The following UNC5CL variants were observed in gnomAD, a reference collection of about 807,000 sequenced individuals.
UNC5CL encodes unc-5 family C-terminal like.
Under a neutral mutation model 54.1 loss-of-function variants are expected in UNC5CL, and 42 were observed. That is an observed-to-expected ratio of 0.78 (90% confidence interval 0.61 to 1.00). The LOEUF is 1.00. UNC5CL is among the 50% of genes least tolerant of loss of function. The pLI, the probability that UNC5CL is intolerant of heterozygous loss-of-function variation, is 0.00. For missense variants in UNC5CL, 619 were observed against 675.6 expected, an observed-to-expected ratio of 0.92 and a Z score of 0.93; for synonymous variants, 285 against 285.1, an observed-to-expected ratio of 1.00 and a Z score of 0.00.
Position 41,030,669 on chromosome 6 carries a change from C to A in UNC5CL, c.1206G>T (p.Pro402=), listed in dbSNP as rs138860275. 1 of 1,614,074 alleles carries A rather than the reference C, an allele frequency of 6.2e-7. No homozygotes were observed. The highest frequency in any genetic ancestry group is 2.2e-5 in the East Asian group (1 of 44,884). The change falls in exon 7 of 9, where the codon CCG becomes CCT. Residue 402 remains proline, a synonymous_variant. Transcript: ENST00000244565. ...SWAAPPPVSQ[P]PPCNRLPPEL... Reference sequence around the variant, plus strand: ...CCCCGTCTCACCTATTGCATGGGGGCGGCTGGGAAACAGGTGGTGGCGCTG... The same window carrying A: ...CCCCGTCTCACCTATTGCATGGGGGAGGCTGGGAAACAGGTGGTGGCGCTG...
intron 3 of UNC5CL, chr6:41,033,667 AGC>A: frequency 1.7e-6 from 1 of 599,758 alleles, no homozygotes; most frequent in South Asian, 2.2e-5. Context: ...ACAGAGAGAC[AGC>A]AATGGGATTT....
At chr6:41,037,524 C>T (rs544758949) in intron 1 of UNC5CL, among the ~76,000 whole-genome samples, 21 of 152,324 alleles carry the variant, frequency 1.4e-4, no homozygotes, top group African/African-American at 5.1e-4. Context: ...CCTCAGGACC[C>T]ATGAAAACTG....
In UNC5CL at chr6:41,033,099, T is replaced by G; in HGVS notation, c.734A>C (p.Lys245Thr). Reference protein sequence around the residue: ...LEAPVGREARKWLQLAVFCSP... With the variant: ...LEAPVGREARTWLQLAVFCSP... ...GCAGAATACGGCCAGCTGCAGCCAT[T>G]TGCGGGCTTCGCGCCCCACAGGTGC... The change falls in exon 4 of 9, where the codon AAA (lysine) becomes ACA (threonine). Residue 245 changes from lysine (K) to threonine (T), a missense_variant. Coordinates refer to ENST00000244565, the MANE Select transcript of UNC5CL (RefSeq NM_173561.3). 2.5e-6 allele frequency: 4 copies of G among 1,612,910 alleles called. No individual in the cohort carries two copies. Among genetic ancestry groups the G allele is most frequent in the Non-Finnish European group, 3.4e-6 (4 of 1,179,608 alleles).
In UNC5CL at chr6:41,032,899, T is replaced by G; in HGVS notation, c.934A>C (p.Thr312Pro). Residue 312 changes from threonine to proline, a missense_variant, in exon 4 of 9, where the codon ACG (threonine) becomes CCG (proline). Coordinates refer to ENST00000244565, the MANE Select transcript of UNC5CL (RefSeq NM_173561.3). ...GARGDQCLKL[T>P]YISEGWENVD... Reference sequence around the variant, plus strand: ...CCTCCCTCACCCTCTGAGATGTACGTGAGCTTCAGGCACTGGTCGCCCCTA... The same window carrying G: ...CCTCCCTCACCCTCTGAGATGTACGGGAGCTTCAGGCACTGGTCGCCCCTA... 6.2e-7 allele frequency: 1 copy of G among 1,603,544 alleles called. No homozygotes were observed. The highest frequency in any genetic ancestry group is 8.5e-7 in the Non-Finnish European group (1 of 1,174,994).
rs758370481 is a variant in UNC5CL at position 41,034,084 on chromosome 6, G to T, written c.483C>A (p.Ser161Arg). The part of the protein sequence containing the change: ...PSLSQAQGLV[S>R]PVVACGPHGA... ...CATGGGGGCCACATGCCACCACAGGGCTTACCAGCCCCTGGGCTTGGGACA... is the reference window on the plus strand; with the variant it reads ...CATGGGGGCCACATGCCACCACAGGTCTTACCAGCCCCTGGGCTTGGGACA... Residue 161 changes from serine to arginine, a missense_variant, in exon 3 of 9, where the codon AGC (serine) becomes AGA (arginine). Ser to Arg is a moderately radical substitution (Grantham distance 110). Transcript: ENST00000244565. 1 of 1,614,182 alleles carries T rather than the reference G, an allele frequency of 6.2e-7. No homozygotes were observed. Among genetic ancestry groups the T allele is most frequent in the East Asian group, 2.2e-5 (1 of 44,876 alleles).
At chr6:41,032,471 A>G (rs1762465755) in intron 4 of UNC5CL, among the ~76,000 whole-genome samples, 1 of 152,158 alleles carries the variant, frequency 6.6e-6, no homozygotes, top group African/African-American at 2.4e-5. Context: ...TCACAAACAG[A>G]CTTGGGGCCT....
rs768727677 is a variant in UNC5CL at position 41,033,932 on chromosome 6, G to A, written c.635C>T (p.Pro212Leu). 19 of 1,613,814 alleles carry A rather than the reference G, an allele frequency of 1.2e-5. No individual in the cohort carries two copies. Among genetic ancestry groups the A allele is most frequent in the Non-Finnish European group, 1.6e-5 (19 of 1,179,844 alleles). ...DAKVWRPLGR[P>L]GAHASRDECR... Reference sequence around the variant, plus strand: ...CTCATCCCGGGAGGCGTGGGCCCCCGGCCGCCCCAGGGGCCTCCATACCTT... The same window carrying A: ...CTCATCCCGGGAGGCGTGGGCCCCCAGCCGCCCCAGGGGCCTCCATACCTT... Residue 212 changes from proline to leucine, a missense_variant, in exon 3 of 9, where the codon CCG becomes CTG. Coordinates refer to ENST00000244565, the MANE Select transcript of UNC5CL (RefSeq NM_173561.3).
At chr6:41,034,636 C>T in intron 2 of UNC5CL, 54 bp downstream of exon 2, 1 of 1,568,872 alleles carries the variant, frequency 6.4e-7, no homozygotes, top group Non-Finnish European at 8.6e-7. Flanking sequence ...GATGTGGTGA[C>T]CTAATGTACA....
intron 6 of UNC5CL, among the ~76,000 whole-genome samples, chr6:41,031,041 G>A (rs868293991): frequency 5.3e-5 from 8 of 152,154 alleles, no homozygotes; most frequent in African/African-American, 1.2e-4. Context: ...GGGTGGGGCC[G>A]TGGAGCAGTG....
In UNC5CL at chr6:41,031,726, TG is replaced by T; in HGVS notation, c.1073del (p.Ser358Ter). 6.2e-7 allele frequency: 1 copy of T among 1,614,172 alleles called. No homozygotes were observed. The highest frequency in any genetic ancestry group is 2.2e-5 in the East Asian group (1 of 44,874). On this transcript the variant is annotated frameshift_variant, in exon 6 of 9. Transcript: ENST00000244565. LOFTEE classifies it high-confidence loss of function. ...RKAADENEDCSALTNEIIVTM... is the reference protein window; with the variant it reads ...RKAADENEDCXALTNEIIVTM... ...TGACAATGATCTCATTGGTTAGTGCTGAACAGTCCTCATTCTCATCGGCTAT... is the reference window on the plus strand; with the variant it reads ...TGACAATGATCTCATTGGTTAGTGCTAACAGTCCTCATTCTCATCGGCTAT...
rs1762426341 is a variant in UNC5CL, at chr6:41,029,357, T to G, written c.1335-762A>C. On this transcript the variant is annotated intron_variant, in intron 8 of 8. Coordinates refer to ENST00000244565, the MANE Select transcript of UNC5CL (RefSeq NM_173561.3). This position sits in a 1 kb window ranked among gnomAD's most constrained non-coding sequence, Gnocchi z 4.1. ...ACATTCTGCATCCCTCAGTTCAGAC[T>G]TCTGGTCATAACGCCCGCAGTTCAT... 6.6e-6 allele frequency among the ~76,000 whole-genome samples: 1 copy of G among 152,222 alleles called. No individual in the cohort carries two copies. Among genetic ancestry groups the G allele is most frequent in the Non-Finnish European group, 1.5e-5 (1 of 68,038 alleles).
At chr6:41,033,609 G>A (rs1762482221) in intron 3 of UNC5CL, 1 of 554,358 alleles carries the variant, frequency 1.8e-6, no homozygotes, top group Non-Finnish European at 3.2e-6. Context: ...GGAAAGACAG[G>A]TCCCTCTTAG....
chr6:41,038,607 G>C (rs913785663), intron 1 of UNC5CL, among the ~76,000 whole-genome samples: 1 of 152,146 alleles, frequency 6.6e-6, no homozygotes, highest in South Asian at 2.1e-4. Flanking sequence ...GCAGCCATTC[G>C]AGTGTGACTT....
In UNC5CL at chr6:41,034,100, G is replaced by A; in HGVS notation, c.467C>T (p.Ala156Val). Residue 156 changes from alanine (A) to valine (V), a missense_variant, in exon 3 of 9, where the codon GCC becomes GTC. By Grantham distance (64) the Ala-to-Val change is moderately conservative (BLOSUM62 0). Transcript: ENST00000244565. ...DLSDAPSLSQ[A>V]QGLVSPVVAC... Reference sequence around the variant, plus strand: ...CACCACAGGGCTTACCAGCCCCTGGGCTTGGGACAGCGATGGGGCGTCCGA... The same window carrying A: ...CACCACAGGGCTTACCAGCCCCTGGACTTGGGACAGCGATGGGGCGTCCGA... 2 of 1,614,150 alleles carry A rather than the reference G, an allele frequency of 1.2e-6. No homozygotes were observed. Among genetic ancestry groups the A allele is most frequent in the Non-Finnish European group, 1.7e-6 (2 of 1,180,010 alleles).
In UNC5CL at chr6:41,028,542, T is replaced by C; in HGVS notation, c.1388A>G (p.Glu463Gly). 7 of 1,613,798 alleles carry C rather than the reference T, an allele frequency of 4.3e-6. No individual in the cohort carries two copies. The highest frequency in any genetic ancestry group is 5.9e-6 in the Non-Finnish European group (7 of 1,179,994). Residue 463 changes from glutamate (E) to glycine (G), a missense_variant, in exon 9 of 9, where the codon GAG (glutamate) becomes GGG (glycine). Physicochemically the swap from Glu to Gly is moderately conservative, Grantham distance 98 (BLOSUM62 -2). Coordinates refer to ENST00000244565, the MANE Select transcript of UNC5CL (RefSeq NM_173561.3). The surrounding 1 kb of genome is among the most constrained non-coding windows in gnomAD (Gnocchi z 4.3). The stretch of plus-strand genomic sequence containing the variant: ...CAGCTCCTGCAGGCTGCCGTTCTGC[T>C]CCTCAAACAACTCCAGGATGGCCGC... ...PAAAILELFE[E>G]QNGSLQELHY...
At chr6:41,032,833 T>C (rs1322594961) in intron 4 of UNC5CL, 51 bp downstream of exon 4, 2 of 1,519,954 alleles carry the variant, frequency 1.3e-6, no homozygotes, top group South Asian at 1.3e-5. Context: ...GAACCCTTCA[T>C]TCCTGTGGGG....
rs1343203187 is a variant in UNC5CL, at chr6:41,034,737, C to A, written c.338G>T (p.Gly113Val). 2 of 1,608,924 alleles carry A rather than the reference C, an allele frequency of 1.2e-6. No homozygotes were observed. Residue 113 changes from glycine to valine, a missense_variant, in exon 2 of 9, where the codon GGT becomes GTT. Gly to Val is a moderately radical substitution (Grantham distance 109, BLOSUM62 -3). Coordinates refer to ENST00000244565, the MANE Select transcript of UNC5CL (RefSeq NM_173561.3). ...FSAREVDHRG[G>V]CLMLQDTGIS... is the part of the protein sequence containing the mutation. ...GCCTGTATCCTGGAGCATCAGGCAA[C>A]CGCCGCGGTGATCCACCTCTCGAGC...
chr6:41,034,243 G>C, intron 2 of UNC5CL, 62 bp from the exon 3 acceptor site: 1 of 1,528,564 alleles, frequency 6.5e-7, no homozygotes, highest in Non-Finnish European at 8.8e-7. Context: ...GCCCCTGAAA[G>C]AGGCCAGGCC....
intron 1 of UNC5CL, among the ~76,000 whole-genome samples, chr6:41,038,251 C>A (rs1057264691): frequency 5.9e-5 from 9 of 152,076 alleles, no homozygotes; most frequent in Non-Finnish European, 1.2e-4. Context: ...TAATACCCAC[C>A]CCACTACACC....
Sources: allele counts gnomAD v4.1 joint callset (sites outside exome capture counted in the v4.1 genomes callset), GRCh38; gene constraint gnomAD v4.1.1; non-coding constraint Gnocchi (gnomAD v3.1); transcripts MANE v1.5; gene names NCBI Gene and HGNC (gene_info 2026-07-23, HGNC 2026-07-21).